PLPPR1: variants seen among roughly 807,000 people sequenced by gnomAD.
PLPPR1 encodes phospholipid phosphatase-related protein type 1.
A neutral mutation model predicts 33.1 loss-of-function variants in PLPPR1; 10 were observed. That is an observed-to-expected ratio of 0.30 (90% confidence interval 0.19 to 0.51). PLPPR1 has a LOEUF of 0.51. PLPPR1 is among the 20% of genes least tolerant of loss of function. The pLI is 0.97. For missense variants in PLPPR1, 304 were observed against 408.1 expected, an observed-to-expected ratio of 0.74 and a Z score of 2.20; for synonymous variants, 151 against 151.0, an observed-to-expected ratio of 1.00 and a Z score of 0.00.
intron 1 of PLPPR1, among the ~76,000 whole-genome samples, chr9:101,079,336 T>C (rs1053329628): frequency 6.6e-6 from 1 of 152,236 alleles, no homozygotes; most frequent in African/African-American, 2.4e-5. Context: ...ATTTCTACTT[T>C]CTTAATTTAC....
intron 2 of PLPPR1, among the ~76,000 whole-genome samples, chr9:101,247,348 CCTCAGGCTTCTAGATGA>C (rs573813723): frequency 2.7e-4 from 41 of 152,170 alleles, no homozygotes; most frequent in African/African-American, 9.6e-4. Flanking sequence ...CAGCAGCCTT[CCTCAGGCTTCTAGATGA>C]CCACATTGGG....
chr9:101,172,873 T>G (rs1472261289), intron 1 of PLPPR1, among the ~76,000 whole-genome samples: 1 of 152,088 alleles, frequency 6.6e-6, no homozygotes, highest in Non-Finnish European at 1.5e-5. Flanking sequence ...GTTCCCATCT[T>G]TCAAGGATCA....
intron 1 of PLPPR1, among the ~76,000 whole-genome samples, chr9:101,122,177 C>T (rs1409134075): frequency 6.6e-6 from 1 of 152,192 alleles, no homozygotes; most frequent in Non-Finnish European, 1.5e-5. Flanking sequence ...AGCATGTGAG[C>T]TGTAACAAGG....
chr9:101,242,158 A>T (rs747932640), intron 2 of PLPPR1, among the ~76,000 whole-genome samples: 2 of 151,976 alleles, frequency 1.3e-5, no homozygotes, highest in African/African-American at 4.8e-5. Flanking sequence ...GGCTTCTCAC[A>T]GTATGAAAAT....
chr9:101,125,217 C>T (rs1368411657), intron 1 of PLPPR1, among the ~76,000 whole-genome samples: 1 of 152,106 alleles, frequency 6.6e-6, no homozygotes, highest in African/African-American at 2.4e-5. Context: ...CCCTGTGGTA[C>T]CTGTTAGTTC....
At chr9:101,207,340 C>A (rs918995854) in intron 2 of PLPPR1, among the ~76,000 whole-genome samples, 1 of 152,142 alleles carries the variant, frequency 6.6e-6, no homozygotes, top group Non-Finnish European at 1.5e-5. Context: ...ATTATTATTG[C>A]CCTCTACACT....
chr9:101,315,835 A>G (rs1350738907), intron 6 of PLPPR1, among the ~76,000 whole-genome samples: 1 of 152,192 alleles, frequency 6.6e-6, no homozygotes, highest in African/African-American at 2.4e-5. Context: ...AAACACTGAG[A>G]ATGGCAGGAT....
intron 2 of PLPPR1, among the ~76,000 whole-genome samples, chr9:101,228,392 T>C (rs1827115084): frequency 6.6e-6 from 1 of 152,108 alleles, no homozygotes; most frequent in South Asian, 2.1e-4. Flanking sequence ...ACATCCTTTA[T>C]TTGGATCCTA....
chr9:101,261,921 AT>A (rs1404304528), intron 2 of PLPPR1, among the ~76,000 whole-genome samples: 2 of 152,042 alleles, frequency 1.3e-5, no homozygotes, highest in Non-Finnish European at 1.5e-5. Context: ...ACAAACCCCC[AT>A]GACACACATT....
intron 1 of PLPPR1, among the ~76,000 whole-genome samples, chr9:101,153,096 C>A (rs1009234557): frequency 6.6e-6 from 1 of 152,128 alleles, no homozygotes; most frequent in African/African-American, 2.4e-5. Flanking sequence ...TTGTAGTTCT[C>A]CTTGAAGAGG....
chr9:101,057,993 C>A (rs1830298333), intron 1 of PLPPR1, among the ~76,000 whole-genome samples: 1 of 152,068 alleles, frequency 6.6e-6, no homozygotes, highest in Non-Finnish European at 1.5e-5. Context: ...TACCTTCATG[C>A]TCTGCCCCAT....
intron 4 of PLPPR1, 145 bp from the exon 5 acceptor site, chr9:101,309,066 G>A (rs138886097): frequency 5.3e-6 from 4 of 759,974 alleles, no homozygotes; most frequent in Non-Finnish European, 6.6e-6. Context: ...TGGGAAGCAG[G>A]TACCACTCCT....
intron 1 of PLPPR1, among the ~76,000 whole-genome samples, chr9:101,147,717 C>A (rs1325622172): frequency 6.6e-6 from 1 of 152,114 alleles, no homozygotes; most frequent in Non-Finnish European, 1.5e-5. Context: ...CCCCAGGCAC[C>A]CATTTGCTGT....
chr9:101,181,082 T>C (rs2118708770), intron 1 of PLPPR1, among the ~76,000 whole-genome samples: 1 of 149,390 alleles, frequency 6.7e-6, no homozygotes, highest in South Asian at 2.1e-4. Context: ...TTGTAGACAC[T>C]TCTCAAAAGA....
chr9:101,043,801 A>G (rs1192753951), intron 1 of PLPPR1, among the ~76,000 whole-genome samples: 1 of 151,778 alleles, frequency 6.6e-6, no homozygotes, highest in Non-Finnish European at 1.5e-5. Context: ...ATGCACCCCA[A>G]CATCTATTTT....
chr9:101,099,448 T>A (rs757616508), intron 1 of PLPPR1, among the ~76,000 whole-genome samples: 2 of 152,070 alleles, frequency 1.3e-5, no homozygotes, highest in African/African-American at 2.4e-5. Flanking sequence ...AAAAAAAGCA[T>A]GAAATGCAAA....
At chr9:101,231,471 C>T (rs1046666182) in intron 2 of PLPPR1, among the ~76,000 whole-genome samples, 1 of 151,620 alleles carries the variant, frequency 6.6e-6, no homozygotes, top group Non-Finnish European at 1.5e-5. Context: ...TTAATTTTCT[C>T]AGGTACTTTT....
rs78589462 is a variant in PLPPR1 at position 101,134,697 on chromosome 9, T to C, written c.-45-50753T>C. On this transcript the variant is annotated intron_variant, in intron 1 of 7. Coordinates refer to ENST00000374874, the MANE Select transcript of PLPPR1 (RefSeq NM_207299.2). ...CCACACATGGCTAGAACAGGAAAAA[T>C]TGAAAGATGAACTTCAATTGTTCAG... 2.7e-3 allele frequency among the ~76,000 whole-genome samples: 409 copies of C among 152,012 alleles called. 3 individuals carry two copies. Among genetic ancestry groups the C allele is most frequent in the African/African-American group, 9.5e-3 (393 of 41,454 alleles).
intron 1 of PLPPR1, among the ~76,000 whole-genome samples, chr9:101,154,668 T>G (rs1447100626): frequency 6.6e-6 from 1 of 152,022 alleles, no homozygotes; most frequent in Non-Finnish European, 1.5e-5. Flanking sequence ...CACACGTATG[T>G]TTATTGCAGC....
Sources: allele counts gnomAD v4.1 joint callset (sites outside exome capture counted in the v4.1 genomes callset), GRCh38; gene constraint gnomAD v4.1.1; transcripts MANE v1.5; gene names NCBI Gene and HGNC (gene_info 2026-07-23, HGNC 2026-07-21).